Variants in PARG observed in about 807,000 individuals in gnomAD.
PARG encodes mitochondrial poly(ADP-ribose) glycohydrolase.
PARG carries 35 observed loss-of-function variants against 113.0 expected under a neutral mutation model. The observed-to-expected ratio is 0.31, with a 90% CI of 0.24 to 0.41. The LOEUF (loss-of-function observed/expected upper bound fraction) is 0.41, where lower values mean the gene tolerates loss of function less well. Among genes scored for constraint, PARG ranks in the 10% least tolerant of loss-of-function variants. PARG has a pLI of 1.00. For synonymous variants in PARG, 330 were observed against 409.9 expected, an observed-to-expected ratio of 0.81 and a Z score of 2.36; for missense variants, 797 against 1,169.4, an observed-to-expected ratio of 0.68 and a Z score of 4.64.
intron 15 of PARG, among the ~76,000 whole-genome samples, chr10:49,838,287 C>T (rs1284400240): frequency 6.6e-6 from 1 of 151,622 alleles, no homozygotes; most frequent in Non-Finnish European, 1.5e-5. Context: ...CAAAAATAGC[C>T]GGGAGTAGTG....
Position 49,933,787 on chromosome 10 carries a change from G to C in PARG, c.661C>G (p.Gln221Glu). ...CTGGCCTGTTCATCTTCTGTAGTCT[G>C]CTTTGCATTTGCAAGCTTTACAGTT... The part of the protein sequence containing the change: ...LTTVKLANAK[Q>E]TTEDEQAREA... The change falls in exon 3 of 18, where the codon CAG (glutamine) becomes GAG (glutamate). Residue 221 changes from glutamine (Q) to glutamate (E), a missense_variant. Coordinates refer to ENST00000616448, the MANE Select transcript of PARG (RefSeq NM_003631.5). The C allele has an allele frequency of 6.2e-7, 1 of 1,613,518 alleles. No individual in the cohort carries two copies. Among genetic ancestry groups the C allele is most frequent in the Non-Finnish European group, 8.5e-7 (1 of 1,179,480 alleles).
At position 49,905,964 on chromosome 10, in the gene PARG, T is replaced by TTCGGTTC. The variant is rs1848565721; in HGVS notation, c.1737+9952_1737+9953insGAACCGA. 4.0e-5 allele frequency among the ~76,000 whole-genome samples: 6 copies of TTCGGTTC among 150,768 alleles called. No individual in the cohort carries two copies. The Admixed American group carries it at 4.0e-4, about 10-fold the overall frequency. ...CTAGTAAATGGTTCATCAACATGAATATCAACTGAACCGAAGTTGCCCAAG... is the reference window on the plus strand; with the variant it reads ...CTAGTAAATGGTTCATCAACATGAATTCGGTTCATCAACTGAACCGAAGTTGCCCAAG... On this transcript the variant is annotated intron_variant, in intron 7 of 17. Coordinates refer to ENST00000616448, the MANE Select transcript of PARG (RefSeq NM_003631.5).
intron 14 of PARG, 146 bp downstream of exon 14, chr10:49,843,408 A>G: frequency 1.5e-6 from 1 of 648,974 alleles, no homozygotes; most frequent in South Asian, 1.9e-5. Context: ...TTTCAATGCC[A>G]ATGAACCTGT....
At chr10:49,925,891 C>A (rs1247958701) in intron 4 of PARG, among the ~76,000 whole-genome samples, 5 of 152,252 alleles carry the variant, frequency 3.3e-5, no homozygotes, top group African/African-American at 4.8e-5. Flanking sequence ...CAGAGGAGTG[C>A]CTCCTTGGCC....
chr10:49,881,741 C>T (rs2664515), intron 8 of PARG, among the ~76,000 whole-genome samples: 3 of 152,206 alleles, frequency 2.0e-5, no homozygotes, highest in African/African-American at 7.2e-5. Context: ...ATTAAACTTG[C>T]AATTCAACTA....
intron 7 of PARG, among the ~76,000 whole-genome samples, chr10:49,906,842 T>C (rs1554845128): frequency 6.6e-6 from 1 of 152,116 alleles, no homozygotes. Flanking sequence ...GACAGGCCTA[T>C]GCCTGCAACA....
chr10:49,916,612 C>A (rs1837485464), intron 6 of PARG, among the ~76,000 whole-genome samples: 1 of 151,938 alleles, frequency 6.6e-6, no homozygotes, highest in Admixed American at 6.6e-5. Context: ...AAATATTATG[C>A]CATCTACTGG....
chr10:49,826,837 T>C (rs1043158471), intron 16 of PARG, among the ~76,000 whole-genome samples: 1 of 152,044 alleles, frequency 6.6e-6, no homozygotes, highest in Non-Finnish European at 1.5e-5. Flanking sequence ...AACTGCAGGG[T>C]TGCAAGACTG....
At position 49,878,571 on chromosome 10, in the gene PARG, T is replaced by C. The variant is rs1307514766; in HGVS notation, c.1988+1102A>G. On this transcript the variant is annotated intron_variant, in intron 9 of 17. Coordinates refer to ENST00000616448, the MANE Select transcript of PARG (RefSeq NM_003631.5). Reference sequence around the variant, plus strand: ...AGGTGGAGGTTTCAGTTGGCCAAGATTGCACCACTGCACTCCAGCCTGGGC... The same window carrying C: ...AGGTGGAGGTTTCAGTTGGCCAAGACTGCACCACTGCACTCCAGCCTGGGC... Among the ~76,000 whole-genome samples, 31 of 141,516 alleles carry C rather than the reference T, an allele frequency of 2.2e-4. 1 individual carries two copies. Among genetic ancestry groups the C allele is most frequent in the Admixed American group, 7.1e-4 (10 of 14,110 alleles). 92.8% of individuals were successfully genotyped at this position (141,516 alleles called of 152,430 possible). A position where few individuals can be genotyped will look rare whatever the true frequency, so the allele number is the denominator to read the frequency against.
In PARG at chr10:49,936,828, A is replaced by G. The variant is rs1838768024; in HGVS notation, c.218-1686T>C. Among the ~76,000 whole-genome samples the G allele has an allele frequency of 5.9e-5, 9 of 152,286 alleles. No homozygotes were observed. In the South Asian group the frequency reaches 1.9e-3, roughly 32 times the overall value. On this transcript the variant is annotated intron_variant, in intron 1 of 17. Transcript: ENST00000616448. ...TTCATTGAAATAATGGCATAATCGA[A>G]ATACATTTCAGATGGGGAGAATTTT...
intron 1 of PARG, 124 bp downstream of exon 1, chr10:49,941,385 T>C (rs1315443590): frequency 6.0e-6 from 5 of 836,184 alleles, no homozygotes; most frequent in Admixed American, 4.0e-5. Flanking sequence ...GCTCAGCAAG[T>C]GGACCTCAAG....
intron 4 of PARG, among the ~76,000 whole-genome samples, chr10:49,926,177 ACGTGCCTGGG>A (rs1396795049): frequency 6.6e-6 from 1 of 152,204 alleles, no homozygotes; most frequent in Non-Finnish European, 1.5e-5. Context: ...TGGTACTGTG[ACGTGCCTGGG>A]CATCTAACAA....
At chr10:49,832,762 G>T (rs1554830467) in intron 16 of PARG, 41 bp downstream of exon 16, 4 of 1,168,474 alleles carry the variant, frequency 3.4e-6, no homozygotes, top group Admixed American at 2.3e-5. Context: ...AACTTTTTTT[G>T]TGTGGGCAGA....
intron 16 of PARG, among the ~76,000 whole-genome samples, chr10:49,828,844 T>C (rs998063834): frequency 6.6e-6 from 1 of 152,106 alleles, no homozygotes; most frequent in Non-Finnish European, 1.5e-5. Context: ...CATTGCACCC[T>C]AGCCTGGGTG....
Position 49,820,204 on chromosome 10 carries a change from T to C in PARG, c.2737A>G (p.Ser913Gly). 6.5e-7 allele frequency: 1 copy of C among 1,546,268 alleles called. No individual in the cohort carries two copies. ...CTTTCAGTAAGGAAAATGTGCATGC[T>C]GTAAATGTCTCTCATCAATTCTGAG... Reference protein sequence around the residue: ...GDSELMRDIYSMHIFLTERKL... With the variant: ...GDSELMRDIYGMHIFLTERKL... Residue 913 changes from serine (S) to glycine (G), a missense_variant, in exon 17 of 18, where the codon AGC (serine) becomes GGC (glycine). Ser to Gly is a moderately conservative substitution (Grantham distance 56, BLOSUM62 0). Coordinates refer to ENST00000616448, the MANE Select transcript of PARG (RefSeq NM_003631.5).
intron 7 of PARG, among the ~76,000 whole-genome samples, chr10:49,890,116 T>C (rs1332658600): frequency 6.6e-6 from 1 of 152,200 alleles, no homozygotes; most frequent in East Asian, 1.9e-4. Flanking sequence ...CTTATTATGA[T>C]GATAATGATG....
rs782421111 is a variant in PARG at position 49,885,230 on chromosome 10, T to C, written c.1803A>G (p.Ala601=). 1.1e-5 allele frequency: 17 copies of C among 1,602,828 alleles called. No homozygotes were observed. Among genetic ancestry groups the C allele is most frequent in the Non-Finnish European group, 1.4e-5 (16 of 1,171,638 alleles). ...GGGTGCAAATATTTGGCAGACAGAG[T>C]GCAATTTTCACCATATCAGGCAAGA... is the stretch of plus-strand genomic sequence containing the variant. ...QSILPDMVKI[A]LCLPNICTQP... The change falls in exon 8 of 18, where the codon GCA becomes GCG. Residue 601 remains alanine (A), a synonymous_variant. Coordinates refer to ENST00000616448, the MANE Select transcript of PARG (RefSeq NM_003631.5).
chr10:49,896,147 G>A (rs1848075552), intron 7 of PARG, among the ~76,000 whole-genome samples: 2 of 152,164 alleles, frequency 1.3e-5, no homozygotes, highest in East Asian at 1.9e-4. Flanking sequence ...TGAAGAGCAT[G>A]GGTGTTCTTG....
At chr10:49,920,570 A>G (rs1296641011) in intron 6 of PARG, among the ~76,000 whole-genome samples, 7 of 143,712 alleles carry the variant, frequency 4.9e-5, no homozygotes, top group Non-Finnish European at 9.1e-5. Flanking sequence ...ACGTATATAT[A>G]CGTGTATATA....
Sources: gnomAD v4.1 joint callset for allele counts (sites outside exome capture counted in the v4.1 genomes callset) on GRCh38, gnomAD v4.1.1 for gene constraint, MANE v1.5 for transcripts, NCBI Gene and HGNC (gene_info 2026-07-23, HGNC 2026-07-21) for gene names.